THSD7A: variants seen among roughly 807,000 people sequenced by gnomAD.
The protein encoded by THSD7A is thrombospondin type-1 domain-containing protein 7A.
Under a neutral mutation model 231.3 loss-of-function variants are expected in THSD7A, and 96 were observed. That is an observed-to-expected ratio of 0.41 (90% CI 0.35 to 0.49). The LOEUF (loss-of-function observed/expected upper bound fraction) is 0.49, where lower values mean the gene tolerates loss of function less well. Ranked by LOEUF, THSD7A falls within the 20% of genes least tolerant of loss-of-function variation. The pLI is 0.05. For missense variants in THSD7A, 2,290 were observed against 2,070.2 expected (o/e 1.11, Z -2.06); for synonymous variants, 940 against 743.3 (o/e 1.26, Z -4.30).
At chr7:11,456,000 G>C (rs779934702) in intron 11 of THSD7A, among the ~76,000 whole-genome samples, 3 of 151,992 alleles carry the variant, frequency 2.0e-5, no homozygotes, top group Non-Finnish European at 4.4e-5. Flanking sequence ...GTTAAAAGTA[G>C]GTGCAGGCCT....
chr7:11,643,771 C>T (rs940058355), intron 1 of THSD7A, among the ~76,000 whole-genome samples: 1 of 151,866 alleles, frequency 6.6e-6, no homozygotes, highest in Non-Finnish European at 1.5e-5. Context: ...TAGGTCTTTC[C>T]TGATTATTTC....
intron 1 of THSD7A, among the ~76,000 whole-genome samples, chr7:11,749,820 G>A (rs997656424): frequency 2.6e-4 from 39 of 151,958 alleles, no homozygotes; most frequent in South Asian, 2.1e-3. Flanking sequence ...GCCATTCAAC[G>A]GCGCTTCAAG....
At chr7:11,499,679 G>A (rs988324565) in intron 6 of THSD7A, among the ~76,000 whole-genome samples, 1 of 152,148 alleles carries the variant, frequency 6.6e-6, no homozygotes, top group African/African-American at 2.4e-5. Flanking sequence ...GCAATCACAA[G>A]TATTAACAGC....
intron 1 of THSD7A, among the ~76,000 whole-genome samples, chr7:11,803,413 T>A (rs1784326335): frequency 6.6e-6 from 1 of 152,142 alleles, no homozygotes; most frequent in Non-Finnish European, 1.5e-5. Context: ...TTTCTCCATT[T>A]TGGCATAAAT....
At chr7:11,518,598 AACACAC>A in intron 6 of THSD7A, among the ~76,000 whole-genome samples, 1 of 150,176 alleles carries the variant, frequency 6.7e-6, no homozygotes, top group Non-Finnish European at 1.5e-5. Flanking sequence ...ATAAAATAGA[AACACAC>A]ACACACACAC....
intron 1 of THSD7A, among the ~76,000 whole-genome samples, chr7:11,794,937 A>T (rs1481667014): frequency 6.6e-6 from 1 of 152,040 alleles, no homozygotes; most frequent in Non-Finnish European, 1.5e-5. Flanking sequence ...TATGCAGAAC[A>T]ATGAAATAAA....
intron 2 of THSD7A, among the ~76,000 whole-genome samples, chr7:11,615,743 T>A (rs1423782061): frequency 6.6e-6 from 1 of 152,178 alleles, no homozygotes; most frequent in Non-Finnish European, 1.5e-5. Context: ...GCAATTGTAG[T>A]CAATGTCATC....
At chr7:11,500,069 A>G (rs1021299368) in intron 6 of THSD7A, among the ~76,000 whole-genome samples, 1 of 152,166 alleles carries the variant, frequency 6.6e-6, no homozygotes, top group Non-Finnish European at 1.5e-5. Context: ...GCAGCTAAAG[A>G]GTAAGAGAAG....
intron 1 of THSD7A, among the ~76,000 whole-genome samples, chr7:11,723,118 C>T (rs1781416897): frequency 2.0e-5 from 3 of 152,064 alleles, no homozygotes; most frequent in South Asian, 2.1e-4. Context: ...AAATGTGGCA[C>T]ATATACACCA....
intron 1 of THSD7A, among the ~76,000 whole-genome samples, chr7:11,796,934 A>C (rs1326458041): frequency 6.6e-6 from 1 of 152,154 alleles, no homozygotes; most frequent in Non-Finnish European, 1.5e-5. Flanking sequence ...TAAAGTATTT[A>C]AATGTGAATA....
At chr7:11,753,544 TTC>T (rs35547018) in intron 1 of THSD7A, among the ~76,000 whole-genome samples, 46,868 of 141,474 alleles carry the variant, frequency 0.33, 7,927 homozygotes, top group African/African-American at 0.47. Context: ...ATGCAGCCCT[TTC>T]TCTCTCTCTC....
intron 4 of THSD7A, among the ~76,000 whole-genome samples, chr7:11,573,364 T>A (rs747764914): frequency 6.6e-6 from 1 of 151,236 alleles, no homozygotes; most frequent in Non-Finnish European, 1.5e-5. Flanking sequence ...CTCTGTACCT[T>A]GTCCTAAAAT....
At position 11,411,065 on chromosome 7, in the gene THSD7A, A is replaced by C. The variant is rs1783768088; in HGVS notation, c.3798+142T>G. The stretch of plus-strand genomic sequence containing the variant: ...GTAGTGTTGGACATTGTGTCTTTTC[A>C]AGAACATACTTAGCCTGTGAACAGT... On this transcript the variant is annotated intron_variant, in intron 19 of 27. Transcript: ENST00000423059. The surrounding 1 kb of genome is among the most constrained non-coding windows in gnomAD (Gnocchi z 4.1). The C allele has an allele frequency of 6.7e-6, 4 of 596,856 alleles. No individual in the cohort carries two copies. Among genetic ancestry groups the C allele is most frequent in the Non-Finnish European group, 8.9e-6 (3 of 336,130 alleles). The allele number at this position is 596,856 out of a possible 1,614,324, so 37.0% of individuals were successfully genotyped here. A position where few individuals can be genotyped will look rare whatever the true frequency, so the allele number is the denominator to read the frequency against.
At chr7:11,386,935 C>G (rs1562567344) in intron 23 of THSD7A, among the ~76,000 whole-genome samples, 1 of 152,154 alleles carries the variant, frequency 6.6e-6, no homozygotes, top group Non-Finnish European at 1.5e-5. Context: ...ATATGGCTAG[C>G]CAGTTTTCCC....
chr7:11,811,154 T>C (rs1317418009), intron 1 of THSD7A, among the ~76,000 whole-genome samples: 4 of 152,296 alleles, frequency 2.6e-5, no homozygotes. Flanking sequence ...GTGTAATGTC[T>C]CTTTTGTCCA....
chr7:11,737,380 T>G (rs1781952680), intron 1 of THSD7A, among the ~76,000 whole-genome samples: 1 of 151,896 alleles, frequency 6.6e-6, no homozygotes, highest in African/African-American at 2.4e-5. Flanking sequence ...TTAGCCAGGC[T>G]TGATGTGTGA....
At chr7:11,469,798 A>G in intron 9 of THSD7A, 81 bp downstream of exon 9, 1 of 938,814 alleles carries the variant, frequency 1.1e-6, no homozygotes, top group Non-Finnish European at 1.7e-6. Context: ...AAACTCACAA[A>G]CATTGCTAGG....
intron 11 of THSD7A, among the ~76,000 whole-genome samples, chr7:11,459,504 TTA>T (rs1389681598): frequency 2.6e-5 from 4 of 151,982 alleles, no homozygotes; most frequent in African/African-American, 4.8e-5. Flanking sequence ...GGAGTCACAG[TTA>T]TGTTTTACCC....
At chr7:11,762,030 A>T (rs1782880885) in intron 1 of THSD7A, among the ~76,000 whole-genome samples, 1 of 152,098 alleles carries the variant, frequency 6.6e-6, no homozygotes, top group Non-Finnish European at 1.5e-5. Context: ...GCATTAATTC[A>T]CTTTGGATGA....
Sources: gnomAD v4.1 joint callset for allele counts (sites outside exome capture counted in the v4.1 genomes callset) on GRCh38, gnomAD v4.1.1 for gene constraint, Gnocchi (gnomAD v3.1) non-coding constraint, MANE v1.5 for transcripts, NCBI Gene and HGNC (gene_info 2026-07-23, HGNC 2026-07-21) for gene names.